Variants in MAPK10 observed in about 807,000 individuals in gnomAD.
MAPK10 encodes the protein mitogen-activated protein kinase 10, also known as JNK3 alpha protein kinase.
MAPK10 carries 25 observed loss-of-function variants against 59.3 expected under a neutral mutation model. The observed-to-expected ratio is 0.42, with a 90% CI of 0.31 to 0.59. The LOEUF (loss-of-function observed/expected upper bound fraction) is 0.59. MAPK10 is among the 20% of genes least tolerant of loss of function. The pLI is 0.15. For missense variants in MAPK10, 351 were observed against 568.9 expected (o/e 0.62, Z 3.90); for synonymous variants, 190 against 200.5 (o/e 0.95, Z 0.44).
chr4:86,321,278 A>G (rs1434818421), intron 2 of MAPK10, among the ~76,000 whole-genome samples: 1 of 152,122 alleles, frequency 6.6e-6, no homozygotes, highest in Admixed American at 6.5e-5. Context: ...ATAAAGACAC[A>G]TGCACACATA....
chr4:86,239,843 A>G (rs959202455), intron 2 of MAPK10, among the ~76,000 whole-genome samples: 2 of 145,762 alleles, frequency 1.4e-5, no homozygotes, highest in African/African-American at 5.0e-5. Flanking sequence ...GGTTTTTTGT[A>G]TCTCTTCTTC....
intron 10 of MAPK10, among the ~76,000 whole-genome samples, chr4:86,067,446 C>G (rs2046975161): frequency 6.6e-6 from 1 of 152,050 alleles, no homozygotes; most frequent in South Asian, 2.1e-4. Context: ...GCCCCCGGCC[C>G]TGAATATCCA....
At chr4:86,573,081 G>C (rs1035936161) in intron 1 of MAPK10, among the ~76,000 whole-genome samples, 1 of 152,036 alleles carries the variant, frequency 6.6e-6, no homozygotes, top group Non-Finnish European at 1.5e-5. Context: ...TCTGTGGCTT[G>C]TTTTATTTAT....
chr4:86,384,619 G>A (rs1326745792), intron 1 of MAPK10, among the ~76,000 whole-genome samples: 1 of 152,150 alleles, frequency 6.6e-6, no homozygotes, highest in Non-Finnish European at 1.5e-5. Flanking sequence ...GCTGAGGCAA[G>A]AGATGATCAT....
chr4:86,267,387 C>T (rs1449465608), intron 2 of MAPK10, among the ~76,000 whole-genome samples: 1 of 152,138 alleles, frequency 6.6e-6, no homozygotes, highest in Non-Finnish European at 1.5e-5. Context: ...GCTCTGTGTA[C>T]TCCTGTAAGC....
intron 9 of MAPK10, among the ~76,000 whole-genome samples, chr4:86,074,842 C>A (rs887016788): frequency 8.5e-6 from 1 of 118,234 alleles, no homozygotes; most frequent in African/African-American, 3.6e-5. Flanking sequence ...TCCTTCATTT[C>A]AACTTTGGTG....
At chr4:86,401,268 A>G (rs944130501) in intron 1 of MAPK10, among the ~76,000 whole-genome samples, 2 of 152,142 alleles carry the variant, frequency 1.3e-5, no homozygotes, top group African/African-American at 4.8e-5. Context: ...GAAACACAAG[A>G]TGTGATATAT....
chr4:86,468,886 C>A (rs1210769542), intron 1 of MAPK10, among the ~76,000 whole-genome samples: 1 of 151,616 alleles, frequency 6.6e-6, no homozygotes, highest in Admixed American at 6.6e-5. Flanking sequence ...AGGAAAATAA[C>A]AAAGCAACAG....
At chr4:86,491,441 G>T (rs888862569) in intron 1 of MAPK10, among the ~76,000 whole-genome samples, 1 of 152,134 alleles carries the variant, frequency 6.6e-6, no homozygotes, top group African/African-American at 2.4e-5. Flanking sequence ...CCCAACCCCA[G>T]TTCTGAAGAT....
intron 1 of MAPK10, among the ~76,000 whole-genome samples, chr4:86,452,101 C>A (rs1455334526): frequency 6.6e-6 from 1 of 152,152 alleles, no homozygotes. Context: ...GGATTTGAAA[C>A]CAGACTATCT....
intron 1 of MAPK10, among the ~76,000 whole-genome samples, chr4:86,511,210 G>A (rs1437803355): frequency 1.3e-5 from 2 of 152,102 alleles, no homozygotes; most frequent in Non-Finnish European, 2.9e-5. Flanking sequence ...TCGGCTGGGT[G>A]TGGTGGCTCA....
intron 3 of MAPK10, among the ~76,000 whole-genome samples, chr4:86,172,448 A>C (rs1322974109): frequency 6.6e-6 from 1 of 151,196 alleles, no homozygotes; most frequent in African/African-American, 2.5e-5. Context: ...ATTGGAAATC[A>C]TCATTCACAG....
chr4:86,551,161 G>C (rs532843269), intron 1 of MAPK10, among the ~76,000 whole-genome samples: 1 of 152,082 alleles, frequency 6.6e-6, no homozygotes, highest in African/African-American at 2.4e-5. Flanking sequence ...AAAAAGGATG[G>C]GTAGTTAACC....
At chr4:86,052,784 TC>T (rs2043827611) in intron 11 of MAPK10, among the ~76,000 whole-genome samples, 1 of 152,220 alleles carries the variant, frequency 6.6e-6, no homozygotes, top group African/African-American at 2.4e-5. Context: ...AAACTCCGCC[TC>T]CCAGGTTTAA....
intron 1 of MAPK10, among the ~76,000 whole-genome samples, chr4:86,529,874 T>G (rs1169617964): frequency 6.6e-6 from 1 of 152,204 alleles, no homozygotes; most frequent in Non-Finnish European, 1.5e-5. Flanking sequence ...AATTCCTCCT[T>G]GACACCCTAT....
chr4:86,156,083 T>C (rs1380394285), intron 4 of MAPK10, among the ~76,000 whole-genome samples: 1 of 152,090 alleles, frequency 6.6e-6, no homozygotes, highest in African/African-American at 2.4e-5. Context: ...ATTTTTCATT[T>C]AATATTTTCG....
intron 2 of MAPK10, among the ~76,000 whole-genome samples, chr4:86,341,632 T>C (rs1346012205): frequency 2.6e-5 from 4 of 152,022 alleles, no homozygotes; most frequent in Non-Finnish European, 5.9e-5. Flanking sequence ...GAAAGAGCAA[T>C]GAATAAAATT....
intron 1 of MAPK10, among the ~76,000 whole-genome samples, chr4:86,355,925 G>A (rs1019155970): frequency 6.6e-6 from 1 of 152,114 alleles, no homozygotes; most frequent in African/African-American, 2.4e-5. Context: ...AAAGCACATA[G>A]GGCACCCAGG....
At chr4:86,028,217 TGAGTA>T (rs983620413) in intron 13 of MAPK10, 1 of 152,148 alleles carries the variant, frequency 6.6e-6, no homozygotes, top group African/African-American at 2.4e-5. Context: ...CGAGGGTGAA[TGAGTA>T]GAGAGGGTGG....
Sources: allele counts gnomAD v4.1 joint callset (sites outside exome capture counted in the v4.1 genomes callset), GRCh38; gene constraint gnomAD v4.1.1; transcripts MANE v1.5; gene names NCBI Gene and HGNC (gene_info 2026-07-23, HGNC 2026-07-21).